TAMM41: variants seen among roughly 807,000 people sequenced by gnomAD.
TAMM41 encodes the protein TAM41 mitochondrial translocator assembly and maintenance homolog.
In TAMM41, 36 loss-of-function variants were observed where a neutral mutation model predicts 44.1. That is an observed-to-expected ratio of 0.82 (90% CI 0.63 to 1.08). The LOEUF is 1.08. TAMM41 is among the 50% of genes least tolerant of loss of function. TAMM41 has a pLI of 0.00. For synonymous variants in TAMM41, 164 were observed against 153.1 expected, an observed-to-expected ratio of 1.07 and a Z score of -0.53; for missense variants, 417 against 404.3, an observed-to-expected ratio of 1.03 and a Z score of -0.27.
At chr3:11,748,853 T>C in the TAMM41 span, among the ~76,000 whole-genome samples, 4 of 151,366 alleles carry the variant, frequency 2.6e-5, no homozygotes, top group South Asian at 8.3e-4. Context: ...GTCCCAGGGG[T>C]TCCTGCTTGG....
chr3:11,770,758 A>G, the TAMM41 span, among the ~76,000 whole-genome samples: 5 of 152,170 alleles, frequency 3.3e-5, no homozygotes, highest in Admixed American at 6.5e-5. Flanking sequence ...GCGACAGCCT[A>G]CCAACATCCT....
the TAMM41 span, among the ~76,000 whole-genome samples, chr3:11,782,292 T>TC: frequency 6.6e-6 from 1 of 152,174 alleles, no homozygotes; most frequent in East Asian, 1.9e-4. Context: ...ACACCTGTAG[T>TC]CCTAGCACTT....
chr3:11,844,501 T>C (rs1285405066), intron 1 of TAMM41, among the ~76,000 whole-genome samples: 3 of 152,226 alleles, frequency 2.0e-5, no homozygotes, highest in African/African-American at 7.2e-5. Flanking sequence ...ACAAGGTAGC[T>C]ACTGCTATTA....
At chr3:11,789,744 G>A (rs948024600), downstream of TAMM41, among the ~76,000 whole-genome samples, 2 of 152,216 alleles carry the variant, frequency 1.3e-5, no homozygotes, top group Admixed American at 1.3e-4. Flanking sequence ...TCTGAAAGGA[G>A]TCTTCTCTGT....
At chr3:11,809,916 G>A (rs1575633638) in intron 5 of TAMM41, 2 of 366,824 alleles carry the variant, frequency 5.5e-6, no homozygotes, top group Non-Finnish European at 9.5e-6. Flanking sequence ...TTCTACCTGA[G>A]AAAAGAATAG....
chr3:11,812,096 T>G (rs1165867361), intron 5 of TAMM41, among the ~76,000 whole-genome samples: 2 of 151,984 alleles, frequency 1.3e-5, no homozygotes, highest in Non-Finnish European at 2.9e-5. Context: ...CCTGGCTAAT[T>G]TTTGTATTTT....
intron 4 of TAMM41, among the ~76,000 whole-genome samples, chr3:11,823,133 T>C (rs941215226): frequency 6.6e-6 from 1 of 152,252 alleles, no homozygotes; most frequent in Non-Finnish European, 1.5e-5. Flanking sequence ...ATACCTATGA[T>C]GTTTAACAAC....
intron 4 of TAMM41, among the ~76,000 whole-genome samples, chr3:11,827,952 T>C (rs2078826786): frequency 6.6e-6 from 1 of 152,056 alleles, no homozygotes; most frequent in African/African-American, 2.4e-5. Context: ...CCAGGAAAAA[T>C]ACTGAACTTC....
chr3:11,722,712 T>C, the TAMM41 span, among the ~76,000 whole-genome samples: 4 of 151,986 alleles, frequency 2.6e-5, no homozygotes, highest in African/African-American at 9.7e-5. Context: ...GGCTCACACC[T>C]GTAATCCCAG....
the TAMM41 span, among the ~76,000 whole-genome samples, chr3:11,784,209 T>C: frequency 6.6e-6 from 1 of 152,072 alleles, no homozygotes; most frequent in Non-Finnish European, 1.5e-5. Context: ...CATAACCTTT[T>C]TAAAAAATGA....
chr3:11,746,807 T>C, the TAMM41 span, among the ~76,000 whole-genome samples: 1 of 150,702 alleles, frequency 6.6e-6, no homozygotes, highest in Non-Finnish European at 1.5e-5. Context: ...GCTAATTTTT[T>C]GTATTTTTTG....
the TAMM41 span, among the ~76,000 whole-genome samples, chr3:11,761,654 G>C: frequency 6.6e-6 from 1 of 152,002 alleles, no homozygotes; most frequent in South Asian, 2.1e-4. Flanking sequence ...TGAATAAAGA[G>C]ATCCTTCCCC....
intron 6 of TAMM41, chr3:11,808,360 T>C (rs1040267603): frequency 9.0e-6 from 9 of 1,000,214 alleles, no homozygotes; most frequent in Non-Finnish European, 9.5e-6. Flanking sequence ...CAGATCACAC[T>C]GTTGCCAGGA....
the TAMM41 span, among the ~76,000 whole-genome samples, chr3:11,728,320 G>T: frequency 1.3e-5 from 2 of 152,128 alleles, no homozygotes; most frequent in Admixed American, 6.6e-5. Context: ...TCTTGCCCTC[G>T]TTGAGCTATC....
chr3:11,785,655 C>T (rs141747068), downstream of TAMM41, among the ~76,000 whole-genome samples: 1 of 151,260 alleles, frequency 6.6e-6, no homozygotes, highest in East Asian at 2.0e-4. Context: ...CGCTCTCTCA[C>T]CCAGGCTGGC....
intron 7 of TAMM41, among the ~76,000 whole-genome samples, chr3:11,793,083 A>AAAAAAAAAAAAAAAAAAAAAG (rs1553566249): frequency 7.5e-6 from 1 of 132,666 alleles, no homozygotes; most frequent in African/African-American, 2.7e-5. Flanking sequence ...AAAAAAAAAA[A>AAAAAAAAAAAAAAAAAAAAAG]AGAGAGTGAA....
the TAMM41 span, among the ~76,000 whole-genome samples, chr3:11,766,910 T>G: frequency 6.6e-6 from 1 of 152,138 alleles, no homozygotes; most frequent in South Asian, 2.1e-4. Flanking sequence ...TTGAGATCGC[T>G]GTAGATTCAC....
downstream of TAMM41, among the ~76,000 whole-genome samples, chr3:11,789,686 G>A (rs1196127601): frequency 6.6e-6 from 1 of 152,166 alleles, no homozygotes; most frequent in Admixed American, 6.5e-5. Flanking sequence ...ACCAGACAGA[G>A]GCTTGCTAGG....
intron 7 of TAMM41, 136 bp downstream of exon 7, chr3:11,807,697 C>A: frequency 6.5e-7 from 1 of 1,536,238 alleles, no homozygotes; most frequent in Non-Finnish European, 8.7e-7. Flanking sequence ...TACCTTACTG[C>A]AATATCCCAG....
Sources: gnomAD v4.1 joint callset for allele counts (sites outside exome capture counted in the v4.1 genomes callset) on GRCh38, gnomAD v4.1.1 for gene constraint, MANE v1.5 for transcripts, NCBI Gene and HGNC (gene_info 2026-07-23, HGNC 2026-07-21) for gene names.